The following CSMD1 variants were observed in gnomAD, a reference collection of about 807,000 sequenced individuals.
CSMD1 encodes the protein CUB and sushi domain-containing protein 1.
In CSMD1, 213 loss-of-function variants were observed where a neutral mutation model predicts 417.5. The ratio of observed to expected loss-of-function variants is 0.51; its 90% confidence interval spans 0.46 to 0.57. The LOEUF is 0.57. CSMD1 is among the 20% of genes least tolerant of loss of function. The pLI is 0.00. For missense variants in CSMD1, 6,923 were observed against 4,529.7 expected, an observed-to-expected ratio of 1.53 and a Z score of -15.17; for synonymous variants, 2,862 against 1,736.8, an observed-to-expected ratio of 1.65 and a Z score of -16.11.
chr8:4,984,039 G>A (rs1017872412), intron 1 of CSMD1, among the ~76,000 whole-genome samples: 1 of 152,180 alleles, frequency 6.6e-6, no homozygotes, highest in Non-Finnish European at 1.5e-5. Context: ...GACTTTGAAA[G>A]TCAGTTTGGG....
intron 3 of CSMD1, among the ~76,000 whole-genome samples, chr8:4,374,863 A>G (rs533682016): frequency 4.0e-5 from 6 of 151,400 alleles, no homozygotes; most frequent in Admixed American, 4.0e-4. Context: ...CTAGGGGCTA[A>G]TTAAACACAG....
intron 7 of CSMD1, among the ~76,000 whole-genome samples, chr8:3,681,568 T>A (rs1304688155): frequency 6.6e-6 from 1 of 152,204 alleles, no homozygotes; most frequent in Non-Finnish European, 1.5e-5. Context: ...GAACATTCCA[T>A]GCTTATGGAT....
chr8:3,903,785 C>T (rs573816722), intron 5 of CSMD1, among the ~76,000 whole-genome samples: 1 of 152,110 alleles, frequency 6.6e-6, no homozygotes, highest in Admixed American at 6.6e-5. Flanking sequence ...CACATTTGAG[C>T]CTCTCGGATC....
At chr8:4,124,776 T>C (rs901841081) in intron 3 of CSMD1, among the ~76,000 whole-genome samples, 8 of 152,144 alleles carry the variant, frequency 5.3e-5, no homozygotes, top group Non-Finnish European at 1.2e-4. Context: ...ACCAATCATA[T>C]AGGAAGTTTA....
chr8:4,415,058 G>C (rs891657916), intron 3 of CSMD1, among the ~76,000 whole-genome samples: 2 of 152,298 alleles, frequency 1.3e-5, no homozygotes, highest in East Asian at 3.9e-4. Context: ...TCCAGTGAAA[G>C]TAATTCAGCT....
intron 5 of CSMD1, among the ~76,000 whole-genome samples, chr8:3,975,638 G>T (rs1043122177): frequency 6.6e-6 from 1 of 152,152 alleles, no homozygotes; most frequent in Non-Finnish European, 1.5e-5. Context: ...GCCTGTAGGT[G>T]CCCAGCAGTG....
At chr8:3,870,630 G>C (rs929154773) in intron 5 of CSMD1, among the ~76,000 whole-genome samples, 1 of 152,112 alleles carries the variant, frequency 6.6e-6, no homozygotes, top group South Asian at 2.1e-4. Context: ...AATCTTACAG[G>C]TGAAATGGGA....
intron 23 of CSMD1, among the ~76,000 whole-genome samples, chr8:3,336,998 G>C (rs189358524): frequency 3.3e-5 from 5 of 152,292 alleles, no homozygotes; most frequent in African/African-American, 1.2e-4. Flanking sequence ...TTAGACAGGA[G>C]CTGTGCCTGA....
chr8:3,502,300 G>C (rs1303229731), intron 10 of CSMD1, among the ~76,000 whole-genome samples: 3 of 148,402 alleles, frequency 2.0e-5, no homozygotes, highest in African/African-American at 5.0e-5. Flanking sequence ...AGGAGGAGGA[G>C]CTTGCAGTGA....
chr8:3,161,288 C>T (rs73491760), intron 38 of CSMD1, among the ~76,000 whole-genome samples: 2,390 of 152,124 alleles, frequency 0.016, 60 homozygotes, highest in African/African-American at 0.051. Context: ...TCTTGCCATA[C>T]ATTAGATTAT....
intron 17 of CSMD1, among the ~76,000 whole-genome samples, chr8:3,389,130 T>C (rs1223139068): frequency 6.6e-6 from 1 of 152,150 alleles, no homozygotes; most frequent in East Asian, 1.9e-4. Context: ...TTACTTTTAT[T>C]TTAAGTTCAG....
intron 1 of CSMD1, among the ~76,000 whole-genome samples, chr8:4,903,635 G>C (rs868089170): frequency 6.6e-6 from 1 of 152,188 alleles, no homozygotes; most frequent in Non-Finnish European, 1.5e-5. Flanking sequence ...ACTTGGATTA[G>C]AAACTCCTTT....
chr8:4,348,830 A>G (rs775767548), intron 3 of CSMD1, among the ~76,000 whole-genome samples: 2 of 152,202 alleles, frequency 1.3e-5, no homozygotes, highest in Non-Finnish European at 2.9e-5. Flanking sequence ...AGTTAAATCA[A>G]TAAGCTTTTA....
intron 23 of CSMD1, among the ~76,000 whole-genome samples, chr8:3,313,360 A>G (rs1805501413): frequency 6.6e-6 from 1 of 152,180 alleles, no homozygotes; most frequent in African/African-American, 2.4e-5. Flanking sequence ...AAATTTTTGC[A>G]ATCTACTCAT....
At chr8:4,077,907 C>G (rs1209666183) in intron 3 of CSMD1, among the ~76,000 whole-genome samples, 3 of 152,020 alleles carry the variant, frequency 2.0e-5, no homozygotes, top group African/African-American at 4.8e-5. Flanking sequence ...ATGTCCTTCC[C>G]GAAGACCTTG....
At chr8:4,012,208 C>CCGTTTTA (rs1438496068) in intron 4 of CSMD1, among the ~76,000 whole-genome samples, 1 of 152,006 alleles carries the variant, frequency 6.6e-6, no homozygotes, top group African/African-American at 2.4e-5. Flanking sequence ...TGATTCTATG[C>CCGTTTTA]CGTTTTACTC....
At chr8:4,426,587 C>T (rs1055867251) in intron 2 of CSMD1, among the ~76,000 whole-genome samples, 4 of 139,378 alleles carry the variant, frequency 2.9e-5, no homozygotes, top group African/African-American at 1.1e-4. Context: ...ACAGTATGTG[C>T]AGTATAGTAT....
At chr8:4,174,372 A>C (rs553485668) in intron 3 of CSMD1, among the ~76,000 whole-genome samples, 1 of 152,176 alleles carries the variant, frequency 6.6e-6, no homozygotes, top group African/African-American at 2.4e-5. Flanking sequence ...AGAGCAAGTC[A>C]TTTGCGCAAG....
intron 12 of CSMD1, among the ~76,000 whole-genome samples, chr8:3,425,801 C>T (rs1047199453): frequency 4.5e-4 from 69 of 152,164 alleles, no homozygotes; most frequent in South Asian, 1.7e-3. Context: ...TAAATTTCAG[C>T]ACCTTGATTC....
Sources: allele counts gnomAD v4.1 joint callset (sites outside exome capture counted in the v4.1 genomes callset), GRCh38; gene constraint gnomAD v4.1.1; transcripts MANE v1.5; gene names NCBI Gene and HGNC (gene_info 2026-07-23, HGNC 2026-07-21).